The following SDK1 variants were observed in gnomAD, a reference collection of about 807,000 sequenced individuals.
SDK1 encodes protein sidekick-1.
SDK1 carries 157 observed loss-of-function variants against 245.5 expected under a neutral mutation model. The ratio of observed to expected loss-of-function variants is 0.64; its 90% CI spans 0.56 to 0.73. The LOEUF (loss-of-function observed/expected upper bound fraction) is 0.73. SDK1 is among the 30% of genes least tolerant of loss of function. The pLI is 0.00. For synonymous variants in SDK1, 1,647 were observed against 1,278.5 expected (o/e 1.29, Z -6.15); for missense variants, 3,583 against 3,002.3 (o/e 1.19, Z -4.52).
chr7:3,603,080 T>C (rs896992812), intron 1 of SDK1, among the ~76,000 whole-genome samples: 1 of 151,912 alleles, frequency 6.6e-6, no homozygotes, highest in Non-Finnish European at 1.5e-5. Context: ...TTTTGGTTAC[T>C]GTAGCCTTGT....
intron 14 of SDK1, among the ~76,000 whole-genome samples, chr7:4,001,542 A>G (rs1044928008): frequency 6.6e-6 from 1 of 152,158 alleles, no homozygotes. Flanking sequence ...TTTGGGCTGC[A>G]TCCATTAGCT....
At chr7:3,605,720 A>C (rs940935962) in intron 1 of SDK1, among the ~76,000 whole-genome samples, 2 of 152,212 alleles carry the variant, frequency 1.3e-5, no homozygotes, top group Non-Finnish European at 2.9e-5. Context: ...TGAGAATTAA[A>C]ATGTTTCAGA....
Position 3,619,129 on chromosome 7 carries a change from C to T in SDK1, c.348C>T (p.His116=), listed in dbSNP as rs746509264. ...FKTEPGLPQI[H]LEGNRLVLTC... The stretch of plus-strand genomic sequence containing the variant: ...CGGAGCCAGGCCTACCACAGATCCA[C>T]CTGGAAGGGAACCGCCTTGTTCTCA... The change falls in exon 2 of 45, where the codon CAC becomes CAT. Residue 116 remains histidine (H), a synonymous_variant. Coordinates refer to ENST00000404826, the MANE Select transcript of SDK1 (RefSeq NM_152744.4). The T allele has an allele frequency of 1.2e-5, 20 of 1,613,440 alleles. No homozygotes were observed. The African/African-American group carries it at 1.9e-4, about 15-fold the overall frequency.
At chr7:3,709,926 C>G (rs763198571) in intron 4 of SDK1, among the ~76,000 whole-genome samples, 1 of 152,204 alleles carries the variant, frequency 6.6e-6, no homozygotes, top group Non-Finnish European at 1.5e-5. Flanking sequence ...CTCACAGGAG[C>G]AAAGCACGTG....
intron 4 of SDK1, among the ~76,000 whole-genome samples, chr7:3,775,136 T>G (rs1040822764): frequency 8.5e-5 from 13 of 152,346 alleles, no homozygotes; most frequent in South Asian, 2.1e-4. Context: ...TGGAATTACT[T>G]GGGTCATTGT....
At position 3,969,415 on chromosome 7, in the gene SDK1, A is replaced by G. The variant is rs1583671693; in HGVS notation, c.1705A>G (p.Thr569Ala). ...CTCCCTGAATGCATCGGCCACGCTC[A>G]CTGTGTGGAGTAAGGAGCAGCCCTC... The part of the protein sequence containing the change: ...EGSLNASATL[T>A]VWNRTSIVHP... The change falls in exon 11 of 45, where the codon ACT becomes GCT. Residue 569 changes from threonine (T) to alanine (A), a missense_variant. Thr to Ala is a moderately conservative substitution (Grantham distance 58). Transcript: ENST00000404826. 6.3e-7 allele frequency: 1 copy of G among 1,596,270 alleles called. No individual in the cohort carries two copies. The highest frequency in any genetic ancestry group is 1.3e-5 in the African/African-American group (1 of 74,554).
intron 44 of SDK1, among the ~76,000 whole-genome samples, chr7:4,262,282 C>A (rs1788065878): frequency 6.6e-6 from 1 of 151,648 alleles, no homozygotes; most frequent in South Asian, 2.1e-4. Context: ...AGGTGATCTG[C>A]CGACCTCAGG....
rs575131711 is a variant in SDK1, at chr7:3,725,911, C to T, written c.713+83806C>T. Among the ~76,000 whole-genome samples, 11 of 152,348 alleles carry T rather than the reference C, an allele frequency of 7.2e-5. No individual in the cohort carries two copies. The East Asian group carries it at 2.1e-3, about 29-fold the overall frequency. ...ACAGTCAATTGATTCTGGGTTAAAACATGCTTACATCACAAAATAATGACC... is the reference window on the plus strand; with the variant it reads ...ACAGTCAATTGATTCTGGGTTAAAATATGCTTACATCACAAAATAATGACC... On this transcript the variant is annotated intron_variant, in intron 4 of 44. Coordinates refer to ENST00000404826, the MANE Select transcript of SDK1 (RefSeq NM_152744.4).
chr7:3,380,969 C>G (rs1781473300), intron 1 of SDK1, among the ~76,000 whole-genome samples: 1 of 152,142 alleles, frequency 6.6e-6, no homozygotes, highest in Admixed American at 6.5e-5. Context: ...CAAACTGGAG[C>G]ACATTGCTGT....
In SDK1 at chr7:4,108,670, G is replaced by A. The variant is rs529610416; in HGVS notation, c.3325-1993G>A. Among the ~76,000 whole-genome samples, 20 of 151,522 alleles carry A rather than the reference G, an allele frequency of 1.3e-4. No individual in the cohort carries two copies. In the South Asian group the frequency reaches 2.7e-3, roughly 21 times the overall value. On this transcript the variant is annotated intron_variant, in intron 22 of 44. Coordinates refer to ENST00000404826, the MANE Select transcript of SDK1 (RefSeq NM_152744.4). ...TTTCATTTTATTGTTTCTTTTTTTC[G>A]TTGAGGTGAAATTCACCTCACATAA...
At chr7:3,769,932 T>TTGTGTGTG (rs1436424036) in intron 4 of SDK1, among the ~76,000 whole-genome samples, 2 of 140,630 alleles carry the variant, frequency 1.4e-5, no homozygotes, top group Non-Finnish European at 3.1e-5. Flanking sequence ...TTTGTACTTA[T>TTGTGTGTG]TGTCTGTGTG....
At position 3,967,437 on chromosome 7, in the gene SDK1, G is replaced by A. The variant is rs754034694; in HGVS notation, c.1546+3G>A. ...ACCCGCCATCACCTGGAAAAGAGGT[G>A]GGTAGCATCCACTGCCCACAACAGC... is the stretch of plus-strand genomic sequence containing the variant. On this transcript the variant is annotated splice_donor_region_variant and intron_variant, in intron 10 of 44. Coordinates refer to ENST00000404826, the MANE Select transcript of SDK1 (RefSeq NM_152744.4). 3 of 1,593,912 alleles carry A rather than the reference G, an allele frequency of 1.9e-6. No individual in the cohort carries two copies. Among genetic ancestry groups the A allele is most frequent in the Non-Finnish European group, 1.7e-6 (2 of 1,161,664 alleles).
chr7:3,604,602 CT>C (rs201453008), intron 1 of SDK1, among the ~76,000 whole-genome samples: 44,830 of 109,990 alleles, frequency 0.41, 6,415 homozygotes, highest in South Asian at 0.58. Context: ...CTTTTCTTTT[CT>C]TTTTTTTTTT....
chr7:3,869,476 G>A (rs1780906133), intron 5 of SDK1, among the ~76,000 whole-genome samples: 1 of 152,038 alleles, frequency 6.6e-6, no homozygotes, highest in South Asian at 2.1e-4. Context: ...ATTCCTCTAA[G>A]ATTTCAGTCA....
intron 35 of SDK1, among the ~76,000 whole-genome samples, chr7:4,183,418 G>T (rs763861066): frequency 2.6e-5 from 4 of 151,860 alleles, no homozygotes; most frequent in Non-Finnish European, 4.4e-5. Context: ...GGTGGATCGC[G>T]AAGTCAGGAG....
rs1167944826 is a variant in SDK1 at position 3,326,877 on chromosome 7, C to G, written c.298+24993C>G. 3.3e-5 allele frequency among the ~76,000 whole-genome samples: 5 copies of G among 152,134 alleles called. No homozygotes were observed. In the South Asian group the frequency reaches 1.0e-3, roughly 32 times the overall value. ...TGTGATACCTCACTTTTATTTACAT[C>G]TGTTTATTACTGAAATGAGTATTTT... On this transcript the variant is annotated intron_variant, in intron 1 of 44. Transcript: ENST00000404826.
At chr7:4,052,548 G>A (rs191999813) in intron 19 of SDK1, among the ~76,000 whole-genome samples, 123 of 152,086 alleles carry the variant, frequency 8.1e-4, no homozygotes, top group Non-Finnish European at 1.4e-3. Context: ...AAAATTGTGC[G>A]CAAAAATGGT....
chr7:3,495,175 A>T (rs1032219853), intron 1 of SDK1, among the ~76,000 whole-genome samples: 1 of 150,844 alleles, frequency 6.6e-6, no homozygotes, highest in African/African-American at 2.4e-5. Flanking sequence ...CCTCCTGATC[A>T]TGCATTGTCA....
chr7:3,881,781 A>G (rs1781214494), intron 5 of SDK1, among the ~76,000 whole-genome samples: 1 of 152,160 alleles, frequency 6.6e-6, no homozygotes, highest in Non-Finnish European at 1.5e-5. Flanking sequence ...TGGTTCCTAT[A>G]AATGGTTCTT....
Sources: gnomAD v4.1 joint callset for allele counts (sites outside exome capture counted in the v4.1 genomes callset) on GRCh38, gnomAD v4.1.1 for gene constraint, MANE v1.5 for transcripts, NCBI Gene and HGNC (gene_info 2026-07-23, HGNC 2026-07-21) for gene names.